ZNF254: variants seen among roughly 807,000 people sequenced by gnomAD.
ZNF254 encodes the protein CTD-2017D11.1.
Under a neutral mutation model 12.4 loss-of-function variants are expected in ZNF254, and 10 were observed. The ratio of observed to expected loss-of-function variants is 0.80; its 90% confidence interval spans 0.50 to 1.36. The LOEUF (loss-of-function observed/expected upper bound fraction) is 1.36, where lower values mean the gene tolerates loss of function less well. Ranked by LOEUF, ZNF254 falls within the 40% of genes most tolerant of loss-of-function variation. The pLI, the probability that ZNF254 is intolerant of heterozygous loss-of-function variation, is 0.00. For synonymous variants in ZNF254, 305 were observed against 253.4 expected (o/e 1.20, Z -1.93); for missense variants, 996 against 763.9 (o/e 1.30, Z -3.58).
In ZNF254 at chr19:24,126,802, T is replaced by C; in HGVS notation, c.802T>C (p.Cys268Arg). 1 of 1,613,242 alleles carries C rather than the reference T, an allele frequency of 6.2e-7. No homozygotes were observed. Among genetic ancestry groups the C allele is most frequent in the African/African-American group, 1.3e-5 (1 of 74,968 alleles). Reference protein sequence around the residue: ...IIHAGEKLYKCEECGEAFNRS... With the variant: ...IIHAGEKLYKREECGEAFNRS... ...TCATGCTGGAGAGAAACTCTACAAATGTGAAGAATGTGGTGAAGCTTTTAA... is the reference window on the plus strand; with the variant it reads ...TCATGCTGGAGAGAAACTCTACAAACGTGAAGAATGTGGTGAAGCTTTTAA... Residue 268 changes from cysteine to arginine, a missense_variant, in exon 4 of 4, where the codon TGT becomes CGT. Coordinates refer to ENST00000357002, the MANE Select transcript of ZNF254 (RefSeq NM_203282.4).
At chr19:24,113,689 A>G (rs1973850487) in intron 3 of ZNF254, among the ~76,000 whole-genome samples, 1 of 152,202 alleles carries the variant, frequency 6.6e-6, no homozygotes, top group East Asian at 1.9e-4. Flanking sequence ...GGCCAGGGCA[A>G]TTAGGCAGGA....
chr19:24,044,084 C>T (rs1970280409), intron 1 of ZNF254, among the ~76,000 whole-genome samples: 1 of 151,432 alleles, frequency 6.6e-6, no homozygotes, highest in Non-Finnish European at 1.5e-5. Context: ...ACTGAAAATA[C>T]AAAAACTTAG....
Position 24,111,502 on chromosome 19 carries a change from G to A in ZNF254, c.253+4859G>A, listed in dbSNP as rs1973679891. 2.0e-5 allele frequency among the ~76,000 whole-genome samples: 3 copies of A among 152,184 alleles called. No individual in the cohort carries two copies. In the South Asian group the frequency reaches 6.2e-4, roughly 32 times the overall value. ...ATGGCTGGGTCAAATGGTATTTCTA[G>A]TTCTAGATCCCTGAGGAATCGCCAC... On this transcript the variant is annotated intron_variant, in intron 3 of 3. Coordinates refer to ENST00000357002, the MANE Select transcript of ZNF254 (RefSeq NM_203282.4).
chr19:24,125,528 TCAAA>T (rs1974776522), intron 3 of ZNF254, among the ~76,000 whole-genome samples: 1 of 152,162 alleles, frequency 6.6e-6, no homozygotes, highest in Non-Finnish European at 1.5e-5. Flanking sequence ...AAGCTACTTG[TCAAA>T]ATCTTATAAT....
Position 24,129,796 on chromosome 19 carries a change from A to C in ZNF254, c.*1816A>C, listed in dbSNP as rs942087763. ...ATGGTCATAATAAAAAATTTTATAC[A>C]AACGTGTAAAATCTATACATTTCTG... On this transcript the variant is annotated 3_prime_UTR_variant, in exon 4 of 4. Transcript: ENST00000357002. 1 of 151,986 alleles carries C rather than the reference A, an allele frequency of 6.6e-6. No homozygotes were observed. Among genetic ancestry groups the C allele is most frequent in the Non-Finnish European group, 1.5e-5 (1 of 67,940 alleles). The allele number at this position is 151,986 out of a possible 1,614,324, so 9.4% of individuals were successfully genotyped here.
chr19:24,053,717 C>T (rs918981376), intron 2 of ZNF254, among the ~76,000 whole-genome samples: 4 of 152,182 alleles, frequency 2.6e-5, no homozygotes, highest in East Asian at 1.9e-4. Context: ...TCTAACACCT[C>T]GATGATGTGA....
At chr19:24,044,301 G>A (rs1970292107) in intron 1 of ZNF254, among the ~76,000 whole-genome samples, 1 of 151,890 alleles carries the variant, frequency 6.6e-6, no homozygotes, top group African/African-American at 2.4e-5. Flanking sequence ...CACTTTGGGA[G>A]GCCGAGGCGG....
chr19:24,064,680 C>T (rs1296650983), intron 2 of ZNF254: 1 of 152,170 alleles, frequency 6.6e-6, no homozygotes, highest in Non-Finnish European at 1.5e-5. Context: ...GCATGTGCCA[C>T]CAAGCCCGGT....
chr19:24,111,257 C>A (rs1036910262), intron 3 of ZNF254, among the ~76,000 whole-genome samples: 1 of 152,100 alleles, frequency 6.6e-6, no homozygotes, highest in Non-Finnish European at 1.5e-5. Context: ...CCAGTTTCAT[C>A]CATGTCCCTA....
At chr19:24,067,195 A>G (rs774171513) in intron 2 of ZNF254, among the ~76,000 whole-genome samples, 12 of 151,954 alleles carry the variant, frequency 7.9e-5, no homozygotes, top group African/African-American at 2.2e-4. Flanking sequence ...CTGCCCGTCA[A>G]CTATTTTATG....
chr19:24,125,966 G>C (rs1431438695), intron 3 of ZNF254, among the ~76,000 whole-genome samples: 1 of 152,222 alleles, frequency 6.6e-6, no homozygotes, highest in Non-Finnish European at 1.5e-5. Flanking sequence ...AACAGGAAAA[G>C]ATGTATTGAG....
intron 1 of ZNF254, among the ~76,000 whole-genome samples, chr19:24,091,213 G>A (rs1481401508): frequency 1.3e-5 from 2 of 151,704 alleles, no homozygotes; most frequent in Admixed American, 6.6e-5. Context: ...CCAAAGTGCT[G>A]GGATTACAGG....
At chr19:24,114,188 A>C (rs1413635467) in intron 3 of ZNF254, among the ~76,000 whole-genome samples, 4 of 152,230 alleles carry the variant, frequency 2.6e-5, no homozygotes, top group South Asian at 2.1e-4. Context: ...TTTAAAGTTC[A>C]CATGGAACCA....
intron 1 of ZNF254, among the ~76,000 whole-genome samples, chr19:24,036,262 G>C (rs1969963652): frequency 6.6e-6 from 1 of 151,848 alleles, no homozygotes; most frequent in African/African-American, 2.4e-5. Flanking sequence ...GTAGAGACGC[G>C]GTTTCACCGT....
At chr19:24,094,983 G>A (rs193110203) in intron 1 of ZNF254, among the ~76,000 whole-genome samples, 4 of 152,250 alleles carry the variant, frequency 2.6e-5, no homozygotes, top group South Asian at 4.1e-4. Context: ...CACTGCACCC[G>A]TCCACTTCCA....
chr19:24,113,912 G>A (rs530897112), intron 3 of ZNF254, among the ~76,000 whole-genome samples: 3 of 152,114 alleles, frequency 2.0e-5, no homozygotes, highest in Non-Finnish European at 4.4e-5. Context: ...AATCATGAGT[G>A]AACTCCCATT....
At chr19:24,106,912 C>T in intron 3 of ZNF254, 2 of 406,902 alleles carry the variant, frequency 4.9e-6, no homozygotes. Context: ...AGTGTACAAT[C>T]TGACTTCTTT....
At position 24,129,640 on chromosome 19, in the gene ZNF254, TATA is replaced by T. The variant is rs1356902973; in HGVS notation, c.*1666_*1668del. The stretch of plus-strand genomic sequence containing the variant: ...TATATTTTGATGCAGGCATACTCTA[TATA>T]ATAATCACATTAGAGGAAATGAGAT... On this transcript the variant is annotated 3_prime_UTR_variant, in exon 4 of 4. Transcript: ENST00000357002. The T allele has an allele frequency of 1.3e-5, 2 of 152,050 alleles. No individual in the cohort carries two copies. Among genetic ancestry groups the T allele is most frequent in the Non-Finnish European group, 2.9e-5 (2 of 67,922 alleles). The allele number at this position is 152,050 out of a possible 1,614,324, so 9.4% of individuals were successfully genotyped here.
At chr19:24,117,421 G>A (rs573609123) in intron 3 of ZNF254, among the ~76,000 whole-genome samples, 460 of 152,238 alleles carry the variant, frequency 3.0e-3, no homozygotes, top group Non-Finnish European at 4.8e-3. Flanking sequence ...CCCCAGCCTC[G>A]CTGCTGCCTT....
Sources: allele counts gnomAD v4.1 joint callset (sites outside exome capture counted in the v4.1 genomes callset), GRCh38; gene constraint gnomAD v4.1.1; transcripts MANE v1.5; gene names NCBI Gene and HGNC (gene_info 2026-07-23, HGNC 2026-07-21).